Variants in XKR4 observed in about 807,000 individuals in gnomAD.
XKR4 encodes XK related 4, also known as XK-related protein 4.
A neutral mutation model predicts 53.9 loss-of-function variants in XKR4; 12 were observed. That is an observed-to-expected ratio of 0.22 (90% CI 0.14 to 0.36). XKR4 has a LOEUF of 0.36. Ranked by LOEUF, XKR4 falls within the 10% of genes least tolerant of loss-of-function variation. XKR4 has a pLI of 1.00. For missense variants in XKR4, 799 were observed against 859.5 expected, an observed-to-expected ratio of 0.93 and a Z score of 0.88; for synonymous variants, 354 against 362.4, an observed-to-expected ratio of 0.98 and a Z score of 0.26.
chr8:55,299,879 C>T (rs2129376609), intron 1 of XKR4, among the ~76,000 whole-genome samples: 1 of 152,180 alleles, frequency 6.6e-6, no homozygotes, highest in African/African-American at 2.4e-5. Flanking sequence ...TGCTGTGTTC[C>T]AGGACCTGAG....
At chr8:55,103,364 C>A in intron 1 of XKR4, 70 bp downstream of exon 1, 1 of 1,515,916 alleles carries the variant, frequency 6.6e-7, no homozygotes, top group Non-Finnish European at 8.8e-7. Context: ...TGCTTTTGCA[C>A]GGAAATCTTT....
At position 55,240,580 on chromosome 8, in the gene XKR4, T is replaced by C. The variant is rs145744488; in HGVS notation, c.807-117098T>C. On this transcript the variant is annotated intron_variant, in intron 1 of 2. Transcript: ENST00000327381. The stretch of plus-strand genomic sequence containing the variant: ...TTTCCAGGAATCATTTGAGCCTCAT[T>C]ATCCTACAGAGGACAATACGGAAAA... Among the ~76,000 whole-genome samples, 565 of 152,230 alleles carry C rather than the reference T, an allele frequency of 3.7e-3. 6 individuals are homozygous for C. Among genetic ancestry groups the C allele is most frequent in the African/African-American group, 0.012 (490 of 41,542 alleles).
intron 1 of XKR4, among the ~76,000 whole-genome samples, chr8:55,127,450 A>T (rs1816484268): frequency 6.6e-6 from 1 of 151,346 alleles, no homozygotes; most frequent in Non-Finnish European, 1.5e-5. Flanking sequence ...ATGGGGTTTC[A>T]CCATGTTGGC....
chr8:55,213,055 G>T (rs1817751217), intron 1 of XKR4, among the ~76,000 whole-genome samples: 2 of 152,140 alleles, frequency 1.3e-5, no homozygotes, highest in African/African-American at 4.8e-5. Context: ...GTAAGTCTGG[G>T]TCTGTTTAGT....
chr8:55,188,078 G>A (rs1017928484), intron 1 of XKR4, among the ~76,000 whole-genome samples: 6 of 152,036 alleles, frequency 3.9e-5, no homozygotes, highest in Admixed American at 1.3e-4. Context: ...TTAAAGTAAT[G>A]CTGTTAATTC....
intron 2 of XKR4, among the ~76,000 whole-genome samples, chr8:55,378,986 T>C (rs1178584421): frequency 6.6e-6 from 1 of 152,204 alleles, no homozygotes; most frequent in Admixed American, 6.5e-5. Flanking sequence ...ACAGTCACCA[T>C]CCAGTCATCC....
chr8:55,329,635 G>A (rs117693490), intron 1 of XKR4, among the ~76,000 whole-genome samples: 9 of 152,178 alleles, frequency 5.9e-5, no homozygotes, highest in East Asian at 1.9e-4. Flanking sequence ...GTTTACTGGC[G>A]TGTACTTCCT....
intron 1 of XKR4, among the ~76,000 whole-genome samples, chr8:55,152,771 A>G (rs1302148801): frequency 2.0e-5 from 3 of 152,226 alleles, no homozygotes; most frequent in Non-Finnish European, 2.9e-5. Context: ...CAGTATTCAG[A>G]TAATAGGAGA....
chr8:55,413,304 C>T (rs1804801320), intron 2 of XKR4, among the ~76,000 whole-genome samples: 1 of 152,168 alleles, frequency 6.6e-6, no homozygotes, highest in African/African-American at 2.4e-5. Flanking sequence ...CTCACTGCAA[C>T]CTCCACCTCA....
intron 2 of XKR4, among the ~76,000 whole-genome samples, chr8:55,495,571 G>C (rs1450164228): frequency 1.3e-5 from 2 of 152,200 alleles, no homozygotes; most frequent in Non-Finnish European, 1.5e-5. Flanking sequence ...CCAGGGTCGT[G>C]GGCTCCAGGG....
At chr8:55,284,920 C>T (rs1363148982) in intron 1 of XKR4, among the ~76,000 whole-genome samples, 10 of 152,182 alleles carry the variant, frequency 6.6e-5, no homozygotes, top group Admixed American at 5.2e-4. Flanking sequence ...CAGAAAAAAA[C>T]CTAGAACCCT....
intron 2 of XKR4, among the ~76,000 whole-genome samples, chr8:55,424,598 C>T (rs187001379): frequency 2.6e-5 from 4 of 152,332 alleles, no homozygotes; most frequent in Non-Finnish European, 2.9e-5. Flanking sequence ...TCTTCTGCCA[C>T]GAACACTGAG....
rs1563375226 is a variant in XKR4 at position 55,532,534 on chromosome 8, GCCTGTAAT to G, written c.*8310_*8317del. 1 of 152,100 alleles carries G rather than the reference GCCTGTAAT, an allele frequency of 6.6e-6. No individual in the cohort carries two copies. The highest frequency in any genetic ancestry group is 2.4e-5 in the African/African-American group (1 of 41,428). 9.4% of individuals were successfully genotyped at this position (152,100 alleles called of 1,614,324 possible). On this transcript the variant is annotated 3_prime_UTR_variant, in exon 3 of 3. Coordinates refer to ENST00000327381, the MANE Select transcript of XKR4 (RefSeq NM_052898.2). ...AAATAGGCCGGGCGCAGTGGCTCAC[GCCTGTAAT>G]CCCAACACTTTGGGAGGCTGAGGCG... is the stretch of plus-strand genomic sequence containing the variant.
intron 2 of XKR4, among the ~76,000 whole-genome samples, chr8:55,415,104 T>C (rs1040539419): frequency 1.3e-5 from 2 of 152,218 alleles, no homozygotes; most frequent in African/African-American, 4.8e-5. Flanking sequence ...TCACTAACAA[T>C]AGTCTGTGAT....
At chr8:55,465,972 A>G (rs1192703247) in intron 2 of XKR4, among the ~76,000 whole-genome samples, 2 of 152,122 alleles carry the variant, frequency 1.3e-5, no homozygotes, top group Non-Finnish European at 2.9e-5. Flanking sequence ...GTGATCATTA[A>G]AAAGTCAGGA....
chr8:55,150,583 A>G (rs904930072), intron 1 of XKR4, among the ~76,000 whole-genome samples: 4 of 152,010 alleles, frequency 2.6e-5, no homozygotes, highest in Non-Finnish European at 1.5e-5. Flanking sequence ...GCTCCCTATA[A>G]CTGCACCTGT....
chr8:55,368,495 G>A (rs953399275), intron 2 of XKR4, among the ~76,000 whole-genome samples: 1 of 152,062 alleles, frequency 6.6e-6, no homozygotes, highest in East Asian at 1.9e-4. Flanking sequence ...CTGGACCATT[G>A]CCCTTTCACT....
At chr8:55,363,131 C>T (rs184348335) in intron 2 of XKR4, among the ~76,000 whole-genome samples, 9 of 152,320 alleles carry the variant, frequency 5.9e-5, no homozygotes, top group African/African-American at 2.2e-4. Flanking sequence ...GGCTTTAGTT[C>T]TTTGTTTCCC....
At position 55,236,726 on chromosome 8, in the gene XKR4, C is replaced by G. The variant is rs967393016; in HGVS notation, c.807-120952C>G. Among the ~76,000 whole-genome samples the G allele has an allele frequency of 8.5e-5, 13 of 152,138 alleles. No homozygotes were observed. In the East Asian group the frequency reaches 2.3e-3, roughly 27 times the overall value. On this transcript the variant is annotated intron_variant, in intron 1 of 2. Coordinates refer to ENST00000327381, the MANE Select transcript of XKR4 (RefSeq NM_052898.2). The stretch of plus-strand genomic sequence containing the variant: ...TTTCCTGAGCAACAGGCCCTTTTCT[C>G]CTGTTTCTCTTTGAATGTGTCTTCC...
Sources: allele counts gnomAD v4.1 joint callset (sites outside exome capture counted in the v4.1 genomes callset), GRCh38; gene constraint gnomAD v4.1.1; transcripts MANE v1.5; gene names NCBI Gene and HGNC (gene_info 2026-07-23, HGNC 2026-07-21).